Variants in MYT1L observed in about 807,000 individuals in gnomAD.
MYT1L encodes the protein myelin transcription factor 1-like protein.
MYT1L carries 12 observed loss-of-function variants against 126.7 expected under a neutral mutation model. That is an observed-to-expected ratio of 0.09 (90% CI 0.06 to 0.15). The LOEUF is 0.15. MYT1L is among the 10% of genes least tolerant of loss of function. The pLI is 1.00. For synonymous variants in MYT1L, 541 were observed against 604.2 expected (o/e 0.90, Z 1.53); for missense variants, 979 against 1,585.2 (o/e 0.62, Z 6.49).
At chr2:1,866,904 C>CA (rs1430192492) in intron 18 of MYT1L, among the ~76,000 whole-genome samples, 1 of 107,132 alleles carries the variant, frequency 9.3e-6, no homozygotes, top group Non-Finnish European at 1.8e-5. Context: ...GGGTGAGAGA[C>CA]AGAGGCAGGC....
intron 2 of MYT1L, among the ~76,000 whole-genome samples, chr2:2,207,365 T>C (rs550272792): frequency 4.5e-4 from 69 of 152,342 alleles, no homozygotes; most frequent in African/African-American, 1.7e-3. Flanking sequence ...TTATGCTTCC[T>C]TTCCCCATCA....
chr2:1,853,335 A>G (rs1316275875), intron 18 of MYT1L, among the ~76,000 whole-genome samples: 1 of 152,252 alleles, frequency 6.6e-6, no homozygotes, highest in Non-Finnish European at 1.5e-5. Context: ...CAGCGTCTGC[A>G]TATCATGAGC....
intron 9 of MYT1L, among the ~76,000 whole-genome samples, chr2:1,942,302 T>C (rs182021117): frequency 1.3e-5 from 2 of 152,206 alleles, no homozygotes; most frequent in Admixed American, 6.5e-5. Flanking sequence ...ATGAAAGCCA[T>C]GTCACCGTAA....
At position 2,228,537 on chromosome 2, in the gene MYT1L, A is replaced by C. The variant is rs1341338481; in HGVS notation, c.-420-55549T>G. Among the ~76,000 whole-genome samples, 1 of 152,184 alleles carries C rather than the reference A, an allele frequency of 6.6e-6. No individual in the cohort carries two copies. Among genetic ancestry groups the C allele is most frequent in the Non-Finnish European group, 1.5e-5 (1 of 68,022 alleles). On this transcript the variant is annotated intron_variant, in intron 2 of 24. Coordinates refer to ENST00000647738, the MANE Select transcript of MYT1L (RefSeq NM_001303052.2). The surrounding 1 kb of genome is among the most constrained non-coding windows in gnomAD (Gnocchi z 5.9). ...GAAGAAAGTTTAGAATTTTTTTGCC[A>C]ATCTTTTTGATTTTATAGAAAAAGT...
chr2:2,060,658 CCT>C (rs1470424576), intron 3 of MYT1L, among the ~76,000 whole-genome samples: 4 of 148,724 alleles, frequency 2.7e-5, no homozygotes, highest in African/African-American at 7.5e-5. Context: ...TGTCTCTCTC[CCT>C]GTCTCCCTCC....
Position 2,136,471 on chromosome 2 carries a change from G to A in MYT1L, c.-304+36401C>T, listed in dbSNP as rs549948953. Among the ~76,000 whole-genome samples the A allele has an allele frequency of 5.3e-5, 8 of 152,258 alleles. No individual in the cohort carries two copies. In the South Asian group the frequency reaches 1.2e-3, roughly 24 times the overall value. On this transcript the variant is annotated intron_variant, in intron 3 of 24. Transcript: ENST00000647738. ...CTCAGCTCTGGGTAACAGTTTCTGA[G>A]AGATGTAGATATGAGAGATTATTTC...
chr2:1,863,329 C>T (rs2148640363), intron 18 of MYT1L, among the ~76,000 whole-genome samples: 1 of 152,244 alleles, frequency 6.6e-6, no homozygotes, highest in Non-Finnish European at 1.5e-5. Context: ...AAGCACAGGC[C>T]CTTTCCCATC....
intron 4 of MYT1L, among the ~76,000 whole-genome samples, chr2:2,006,883 T>C (rs181181686): frequency 1.9e-3 from 293 of 151,078 alleles, no homozygotes; most frequent in Admixed American, 4.0e-3. Flanking sequence ...GGCTGAGCTC[T>C]TTAGGAAAAA....
chr2:2,036,925 G>A (rs1014020692), intron 4 of MYT1L, among the ~76,000 whole-genome samples: 4 of 152,140 alleles, frequency 2.6e-5, no homozygotes, highest in Non-Finnish European at 5.9e-5. Flanking sequence ...TCCTTCCTTG[G>A]TCTCTGGTCT....
chr2:2,097,268 C>T (rs1337975587), intron 3 of MYT1L, among the ~76,000 whole-genome samples: 1 of 152,162 alleles, frequency 6.6e-6, no homozygotes, highest in African/African-American at 2.4e-5. Flanking sequence ...CTGGAGTGAG[C>T]TTTCTTGTGT....
rs1409875595 is a variant in MYT1L, at chr2:2,224,702, C to T, written c.-420-51714G>A. ...GGTGTGGTGGCGGGCACCTGTAGTCCCAGCTACTTGGGAAGCTGAGACAGG... is the reference window on the plus strand; with the variant it reads ...GGTGTGGTGGCGGGCACCTGTAGTCTCAGCTACTTGGGAAGCTGAGACAGG... On this transcript the variant is annotated intron_variant, in intron 2 of 24. Coordinates refer to ENST00000647738, the MANE Select transcript of MYT1L (RefSeq NM_001303052.2). The surrounding 1 kb of genome is among the most constrained non-coding windows in gnomAD (Gnocchi z 4.0). 6.6e-6 allele frequency among the ~76,000 whole-genome samples: 1 copy of T among 151,830 alleles called. No homozygotes were observed.
intron 3 of MYT1L, among the ~76,000 whole-genome samples, chr2:2,166,568 T>C (rs950564272): frequency 1.2e-4 from 18 of 152,206 alleles, no homozygotes; most frequent in African/African-American, 3.9e-4. Context: ...GTCTCCTTAT[T>C]TGTAAAACTG....
At chr2:1,880,851 C>G (rs1445371078) in intron 18 of MYT1L, among the ~76,000 whole-genome samples, 1 of 152,232 alleles carries the variant, frequency 6.6e-6, no homozygotes, top group African/African-American at 2.4e-5. Flanking sequence ...CCTTGTATTA[C>G]CCAAGTCTGA....
At chr2:1,944,937 C>G (rs1398754296) in intron 8 of MYT1L, among the ~76,000 whole-genome samples, 1 of 152,274 alleles carries the variant, frequency 6.6e-6, no homozygotes, top group East Asian at 1.9e-4. Context: ...GCTAGCAAGG[C>G]TTTCAGGAAG....
chr2:1,883,958 C>CT (rs1243299033), intron 18 of MYT1L: 4 of 152,230 alleles, frequency 2.6e-5, no homozygotes, highest in Non-Finnish European at 5.9e-5. Flanking sequence ...GATGGATTTT[C>CT]TTTTCAAAAC....
chr2:1,992,676 G>A (rs986415018), intron 5 of MYT1L, among the ~76,000 whole-genome samples: 1 of 152,190 alleles, frequency 6.6e-6, no homozygotes, highest in African/African-American at 2.4e-5. Flanking sequence ...TCATTCCTGG[G>A]CAAAGGCTGA....
At chr2:2,148,646 G>C (rs1050430519) in intron 3 of MYT1L, among the ~76,000 whole-genome samples, 1 of 152,186 alleles carries the variant, frequency 6.6e-6, no homozygotes, top group African/African-American at 2.4e-5. Context: ...TGTCTCCAGG[G>C]CATGGCGTTC....
chr2:2,064,785 G>A (rs554608256), intron 3 of MYT1L, among the ~76,000 whole-genome samples: 1 of 152,172 alleles, frequency 6.6e-6, no homozygotes, highest in South Asian at 2.1e-4. Context: ...AAAGCTTGTT[G>A]GAAAGTAAAA....
intron 3 of MYT1L, among the ~76,000 whole-genome samples, chr2:2,150,056 G>A (rs2085494856): frequency 6.6e-6 from 1 of 152,084 alleles, no homozygotes; most frequent in South Asian, 2.1e-4. Flanking sequence ...CTCTCTTTGG[G>A]CTCTGCCATC....
Sources: gnomAD v4.1 joint callset for allele counts (sites outside exome capture counted in the v4.1 genomes callset) on GRCh38, gnomAD v4.1.1 for gene constraint, Gnocchi (gnomAD v3.1) non-coding constraint, MANE v1.5 for transcripts, NCBI Gene and HGNC (gene_info 2026-07-23, HGNC 2026-07-21) for gene names.